The following THUMPD2 variants were observed in gnomAD, a reference collection of about 807,000 sequenced individuals.
The protein encoded by THUMPD2 is U6 snRNA (guanine-N(2))-methyltransferase THUMPD2.
A neutral mutation model predicts 49.4 loss-of-function variants in THUMPD2; 56 were observed. That is an observed-to-expected ratio of 1.13 (90% CI 0.91 to 1.41). THUMPD2 has a LOEUF of 1.41. Among genes scored for constraint, THUMPD2 ranks in the 40% most tolerant of loss-of-function variants. The pLI is 0.00. For missense variants in THUMPD2, 709 were observed against 594.5 expected (o/e 1.19, Z -2.00); for synonymous variants, 237 against 205.2 (o/e 1.15, Z -1.32).
In THUMPD2 at chr2:39,748,652, C is replaced by T. The variant is rs146372626; in HGVS notation, c.1079-4174G>A. Among the ~76,000 whole-genome samples the T allele has an allele frequency of 5.8e-3, 886 of 151,932 alleles. 6 individuals are homozygous for T. The highest frequency in any genetic ancestry group is 0.02 in the African/African-American group (842 of 41,398). ...GCAGTGAGCCGAAATTGCGCCACTG[C>T]ACTCCAGCCTGGCGACAGAGTGAGA... is the stretch of plus-strand genomic sequence containing the variant. On this transcript the variant is annotated intron_variant, in intron 8 of 9. Coordinates refer to ENST00000505747, the MANE Select transcript of THUMPD2 (RefSeq NM_025264.5).
chr2:39,757,023 C>T (rs1240583294), intron 6 of THUMPD2, among the ~76,000 whole-genome samples: 2 of 150,832 alleles, frequency 1.3e-5, no homozygotes, highest in Non-Finnish European at 2.9e-5. Context: ...GATGTGACTA[C>T]AGCAGATGAA....
At chr2:39,747,735 A>T (rs1273739935) in intron 8 of THUMPD2, among the ~76,000 whole-genome samples, 1 of 152,154 alleles carries the variant, frequency 6.6e-6, no homozygotes, top group East Asian at 1.9e-4. Context: ...ATATACTTTC[A>T]GTTCTATTTT....
At chr2:39,750,714 CA>C (rs57455753) in intron 8 of THUMPD2, among the ~76,000 whole-genome samples, 92,932 of 151,492 alleles carry the variant, frequency 0.61, 30,344 homozygotes, top group African/African-American at 0.83. Context: ...CAAAAAACAA[CA>C]AAAAAAAATT....
intron 6 of THUMPD2, among the ~76,000 whole-genome samples, chr2:39,757,965 A>G (rs1020908006): frequency 6.6e-6 from 1 of 152,134 alleles, no homozygotes; most frequent in African/African-American, 2.4e-5. Flanking sequence ...GAACTCTACT[A>G]TGCCATTTCC....
At chr2:39,769,219 G>C (rs1028712830) in intron 3 of THUMPD2, 1 of 471,478 alleles carries the variant, frequency 2.1e-6, no homozygotes, top group Non-Finnish European at 3.5e-6. Context: ...TTTTTAGGCA[G>C]AAAGTATAAG....
chr2:39,745,121 G>C (rs1421619905), intron 8 of THUMPD2, among the ~76,000 whole-genome samples: 1 of 152,108 alleles, frequency 6.6e-6, no homozygotes, highest in South Asian at 2.1e-4. Flanking sequence ...ACATCTTCTA[G>C]ATGTACTTTC....
At chr2:39,777,513 C>G (rs1030332690) in intron 1 of THUMPD2, among the ~76,000 whole-genome samples, 1 of 152,096 alleles carries the variant, frequency 6.6e-6, no homozygotes, top group Non-Finnish European at 1.5e-5. Flanking sequence ...AGATAGGAGT[C>G]TTTTGAGGAT....
At chr2:39,755,453 T>C in intron 7 of THUMPD2, 44 bp from the exon 8 acceptor site, 1 of 1,284,600 alleles carries the variant, frequency 7.8e-7, no homozygotes, top group South Asian at 1.4e-5. Context: ...AATTATTACA[T>C]ATTTCATGTA....
At chr2:39,739,187 A>G (rs1296742167) in intron 9 of THUMPD2, among the ~76,000 whole-genome samples, 1 of 152,090 alleles carries the variant, frequency 6.6e-6, no homozygotes, top group Non-Finnish European at 1.5e-5. Context: ...AGTTGCTTGC[A>G]CTGTACTTCA....
intron 1 of THUMPD2, among the ~76,000 whole-genome samples, chr2:39,777,541 A>G (rs866977777): frequency 6.6e-6 from 1 of 152,228 alleles, no homozygotes; most frequent in African/African-American, 2.4e-5. Flanking sequence ...TAACATGCAC[A>G]TAACTTGTCT....
chr2:39,741,673 C>A (rs1435132280), intron 9 of THUMPD2, among the ~76,000 whole-genome samples: 2 of 152,174 alleles, frequency 1.3e-5, no homozygotes, highest in Non-Finnish European at 2.9e-5. Context: ...CTCATGCCAC[C>A]AGAGTAATCA....
chr2:39,770,331 T>C (rs1572872390), intron 2 of THUMPD2, among the ~76,000 whole-genome samples: 1 of 152,098 alleles, frequency 6.6e-6, no homozygotes, highest in Non-Finnish European at 1.5e-5. Context: ...ATATATAGCA[T>C]CCGTATTGTG....
At position 39,737,064 on chromosome 2, in the gene THUMPD2, G is replaced by GA; in HGVS notation, c.1188-6dup. On this transcript the variant is annotated splice_polypyrimidine_tract_variant and splice_region_variant and intron_variant, in intron 9 of 9. Transcript: ENST00000505747. Reference sequence around the variant, plus strand: ...GTTCCGCCAACATGAAGCACTCTGTGACAAAAAAAAAATGGTAATTGCTAT... The same window carrying GA: ...GTTCCGCCAACATGAAGCACTCTGTGAACAAAAAAAAAATGGTAATTGCTAT... 2 of 1,565,618 alleles carry GA rather than the reference G, an allele frequency of 1.3e-6. No homozygotes were observed. Among genetic ancestry groups the GA allele is most frequent in the Admixed American group, 1.9e-5 (1 of 51,466 alleles).
chr2:39,740,501 A>C (rs1193046621), intron 9 of THUMPD2, among the ~76,000 whole-genome samples: 3 of 152,230 alleles, frequency 2.0e-5, no homozygotes, highest in Non-Finnish European at 4.4e-5. Context: ...AATTTTGTTC[A>C]AATAATGGAG....
intron 4 of THUMPD2, among the ~76,000 whole-genome samples, chr2:39,768,075 ATTTT>A (rs1015893490): frequency 1.3e-5 from 2 of 152,158 alleles, no homozygotes; most frequent in Admixed American, 6.5e-5. Flanking sequence ...GTTGTTATCC[ATTTT>A]TTTAATATTA....
At chr2:39,758,996 T>C (rs1558515207) in intron 6 of THUMPD2, among the ~76,000 whole-genome samples, 1 of 152,044 alleles carries the variant, frequency 6.6e-6, no homozygotes. Flanking sequence ...AAAATATAAA[T>C]AAATTAAAAT....
intron 7 of THUMPD2, among the ~76,000 whole-genome samples, 200 bp from the exon 8 acceptor site, chr2:39,755,609 C>T (rs1005382028): frequency 6.6e-5 from 10 of 152,096 alleles, no homozygotes; most frequent in African/African-American, 2.2e-4. Flanking sequence ...AATCTGTTAA[C>T]ATTTACAATG....
At chr2:39,747,726 T>C (rs1674801641) in intron 8 of THUMPD2, among the ~76,000 whole-genome samples, 1 of 152,166 alleles carries the variant, frequency 6.6e-6, no homozygotes, top group South Asian at 2.1e-4. Flanking sequence ...GTAAATGAAA[T>C]ATACTTTCAG....
chr2:39,755,790 TC>T, intron 7 of THUMPD2, 98 bp downstream of exon 7: 1 of 955,246 alleles, frequency 1.0e-6, no homozygotes, highest in Non-Finnish European at 1.6e-6. Context: ...TTAAAAATAA[TC>T]CCCAAATAGA....
Sources: gnomAD v4.1 joint callset for allele counts (sites outside exome capture counted in the v4.1 genomes callset) on GRCh38, gnomAD v4.1.1 for gene constraint, MANE v1.5 for transcripts, NCBI Gene and HGNC (gene_info 2026-07-23, HGNC 2026-07-21) for gene names.